ZBTB34: variants seen among roughly 807,000 people sequenced by gnomAD.
ZBTB34 encodes zinc finger and BTB domain containing 34.
In ZBTB34, 1 loss-of-function variant was observed where a neutral mutation model predicts 33.4. The ratio of observed to expected loss-of-function variants is 0.03; its 90% CI spans 0.01 to 0.14. ZBTB34 has a LOEUF of 0.14. ZBTB34 is among the 10% of genes least tolerant of loss of function. The pLI is 1.00. For synonymous variants in ZBTB34, 283 were observed against 253.5 expected (o/e 1.12, Z -1.11); for missense variants, 406 against 657.2 (o/e 0.62, Z 4.18).
chr9:126,873,837 G>A (rs1440267422), intron 1 of ZBTB34, among the ~76,000 whole-genome samples: 7 of 150,728 alleles, frequency 4.6e-5, no homozygotes, highest in Non-Finnish European at 8.9e-5. Flanking sequence ...ACTCCTGACC[G>A]CAGGTGATTT....
chr9:126,883,315 C>T (rs1427305340), exon 2 of ZBTB34: 2 of 167,078 alleles, frequency 1.2e-5, no homozygotes, highest in East Asian at 1.9e-4. Context: ...CTCCTTTTCA[C>T]TCAGGCTTGG....
At position 126,867,945 on chromosome 9, in the gene ZBTB34, A is replaced by G. The variant is rs561949013; in HGVS notation, c.-11+7206A>G. The stretch of plus-strand genomic sequence containing the variant: ...TGCCATTGGTGGGCCACGGTATTTT[A>G]TGTGACCCTCTAATGTTACATATAA... On this transcript the variant is annotated intron_variant, in intron 1 of 1. Transcript: ENST00000319119. 3.3e-5 allele frequency among the ~76,000 whole-genome samples: 5 copies of G among 152,210 alleles called. No individual in the cohort carries two copies. In the East Asian group the frequency reaches 9.6e-4, roughly 29 times the overall value.
At chr9:126,878,753 T>C (rs1388148451) in intron 1 of ZBTB34, among the ~76,000 whole-genome samples, 2 of 150,412 alleles carry the variant, frequency 1.3e-5, no homozygotes. Context: ...AGAAGGAGTC[T>C]CACTCTGTCC....
chr9:126,868,902 C>T (rs557966553), intron 1 of ZBTB34, among the ~76,000 whole-genome samples: 4 of 152,168 alleles, frequency 2.6e-5, no homozygotes, highest in South Asian at 4.1e-4. Flanking sequence ...AGCCAGGGTC[C>T]GGGGCTCTGA....
intron 1 of ZBTB34, among the ~76,000 whole-genome samples, chr9:126,877,967 G>A (rs1200303434): frequency 6.6e-6 from 1 of 151,990 alleles, no homozygotes; most frequent in African/African-American, 2.4e-5. Context: ...TCATGCCATT[G>A]CACTCCGGAC....
rs559475635 is a variant in ZBTB34, at chr9:126,880,233, C to T, written c.834C>T (p.Ser278=). ...AAGTTGTGGCAGTGAATGTGGGCTC[C>T]TATGGTTCTGTGCTCCAGCACGCAT... Residue 278 remains serine (S), a synonymous_variant, in exon 2 of 2, where the codon TCC becomes TCT. Coordinates refer to ENST00000319119, the Ensembl canonical transcript of ZBTB34. The surrounding 1 kb of genome is among the most constrained non-coding windows in gnomAD (Gnocchi z 6.7). The T allele has an allele frequency of 6.2e-7, 1 of 1,613,888 alleles. No individual in the cohort carries two copies. Among genetic ancestry groups the T allele is most frequent in the South Asian group, 1.1e-5 (1 of 91,076 alleles).
intron 1 of ZBTB34, among the ~76,000 whole-genome samples, chr9:126,866,783 T>G (rs987420871): frequency 3.9e-5 from 6 of 152,082 alleles, no homozygotes; most frequent in Non-Finnish European, 8.8e-5. Flanking sequence ...AAAAAAAAAT[T>G]TTAGTGAGAA....
At chr9:126,865,093 T>C (rs1213773495) in intron 1 of ZBTB34, among the ~76,000 whole-genome samples, 2 of 152,216 alleles carry the variant, frequency 1.3e-5, no homozygotes, top group Non-Finnish European at 2.9e-5. Context: ...TTCTTGGAAG[T>C]GTAACTGGAT....
At chr9:126,884,321 C>G (rs2033490023) in exon 2 of ZBTB34, 1 of 166,996 alleles carries the variant, frequency 6.0e-6, no homozygotes, top group Non-Finnish European at 1.5e-5. Context: ...CAGTTCTCTA[C>G]CCTCTAATTT....
rs567026492 is a variant in ZBTB34 at position 126,863,900 on chromosome 9, C to T, written c.-11+3161C>T. ...CTCAATTAATGATTAAAATATGAAACATCTTTTTTCCTACTTCACTGACAG... is the reference window on the plus strand; with the variant it reads ...CTCAATTAATGATTAAAATATGAAATATCTTTTTTCCTACTTCACTGACAG... On this transcript the variant is annotated intron_variant, in intron 1 of 1. Transcript: ENST00000319119. 3.3e-5 allele frequency among the ~76,000 whole-genome samples: 5 copies of T among 152,304 alleles called. No homozygotes were observed. The East Asian group carries it at 9.6e-4, about 29-fold the overall frequency.
exon 2 of ZBTB34, chr9:126,881,297 G>T (rs938403611): frequency 5.7e-6 from 1 of 174,056 alleles, no homozygotes; most frequent in African/African-American, 2.4e-5. Flanking sequence ...TTAGGATGCC[G>T]TCAGCTGATA....
chr9:126,861,839 T>C (rs2033146939), intron 1 of ZBTB34, among the ~76,000 whole-genome samples: 1 of 152,232 alleles, frequency 6.6e-6, no homozygotes, highest in Admixed American at 6.5e-5. Flanking sequence ...TCTAAGCTGG[T>C]CGCTGACTCC....
intron 1 of ZBTB34, among the ~76,000 whole-genome samples, chr9:126,878,933 A>T (rs559801886): frequency 1.3e-5 from 2 of 152,172 alleles, no homozygotes; most frequent in African/African-American, 4.8e-5. Context: ...CATGTTGGCC[A>T]GGTTGGTTTC....
intron 1 of ZBTB34, among the ~76,000 whole-genome samples, chr9:126,864,056 G>T (rs560822857): frequency 6.6e-5 from 10 of 152,164 alleles, no homozygotes; most frequent in Admixed American, 1.3e-4. Context: ...ATCCTTAAAT[G>T]AGAATTCTCT....
intron 1 of ZBTB34, among the ~76,000 whole-genome samples, chr9:126,865,670 T>C (rs1196677353): frequency 1.3e-5 from 2 of 152,166 alleles, no homozygotes; most frequent in Non-Finnish European, 2.9e-5. Flanking sequence ...GAATACGTGG[T>C]GCAGAATTTT....
chr9:126,880,063 G>T lies in ZBTB34; in HGVS notation c.664G>T (p.Asp222Tyr), dbSNP rs757803236. 1 of 1,613,734 alleles carries T rather than the reference G, an allele frequency of 6.2e-7. No homozygotes were observed. The highest frequency in any genetic ancestry group is 8.5e-7 in the Non-Finnish European group (1 of 1,179,896). The change falls in exon 2 of 2, where the codon GAC (aspartate) becomes TAC (tyrosine). Residue 222 changes from aspartate to tyrosine, a missense_variant. Coordinates refer to ENST00000319119, the Ensembl canonical transcript of ZBTB34. This position sits in a 1 kb window ranked among gnomAD's most constrained non-coding sequence, Gnocchi z 6.7. Reference sequence around the variant, plus strand: ...TGAATATGAGATTCAGATAGAGGGAGACCATGAGCAAGGAGACCTATTGGT... The same window carrying T: ...TGAATATGAGATTCAGATAGAGGGATACCATGAGCAAGGAGACCTATTGGT...
At chr9:126,874,376 T>A (rs566438778) in intron 1 of ZBTB34, among the ~76,000 whole-genome samples, 1 of 152,202 alleles carries the variant, frequency 6.6e-6, no homozygotes, top group Non-Finnish European at 1.5e-5. Context: ...TAGGTATTTT[T>A]ATTGTTTTCT....
intron 1 of ZBTB34, among the ~76,000 whole-genome samples, chr9:126,871,932 A>C (rs2119217300): frequency 6.6e-6 from 1 of 152,058 alleles, no homozygotes; most frequent in South Asian, 2.1e-4. Flanking sequence ...CCTGGGCAAC[A>C]TAGTGAGACC....
At chr9:126,882,733 A>G (rs1331609047) in exon 2 of ZBTB34, 1 of 167,096 alleles carries the variant, frequency 6.0e-6, no homozygotes, top group East Asian at 1.9e-4. Context: ...ACAGAATTAG[A>G]TGTTTGCTGG....
Sources: gnomAD v4.1 joint callset for allele counts (sites outside exome capture counted in the v4.1 genomes callset) on GRCh38, gnomAD v4.1.1 for gene constraint, Gnocchi (gnomAD v3.1) non-coding constraint, MANE v1.5 for transcripts, NCBI Gene and HGNC (gene_info 2026-07-23, HGNC 2026-07-21) for gene names.